INPP4B: variants seen among roughly 807,000 people sequenced by gnomAD.
INPP4B encodes inositol polyphosphate 4-phosphatase type II.
A neutral mutation model predicts 122.5 loss-of-function variants in INPP4B; 55 were observed. The observed-to-expected ratio is 0.45, with a 90% confidence interval of 0.36 to 0.56. The LOEUF (loss-of-function observed/expected upper bound fraction) is 0.56. Ranked by LOEUF, INPP4B falls within the 20% of genes least tolerant of loss-of-function variation. INPP4B has a pLI of 0.00. For synonymous variants in INPP4B, 403 were observed against 388.7 expected, an observed-to-expected ratio of 1.04 and a Z score of -0.43; for missense variants, 1,000 against 1,097.7, an observed-to-expected ratio of 0.91 and a Z score of 1.26.
chr4:142,316,535 GAATA>G (rs1229561251), intron 7 of INPP4B, among the ~76,000 whole-genome samples: 1 of 151,224 alleles, frequency 6.6e-6, no homozygotes, highest in African/African-American at 2.4e-5. Context: ...TACATATAAT[GAATA>G]CTCACAACAT....
intron 14 of INPP4B, among the ~76,000 whole-genome samples, chr4:142,204,913 T>C (rs760081222): frequency 3.3e-5 from 5 of 152,090 alleles, no homozygotes; most frequent in Non-Finnish European, 4.4e-5. Context: ...GCAACCCAGT[T>C]TGTGGTGCTT....
chr4:142,076,596 C>T (rs889368319), intron 25 of INPP4B, among the ~76,000 whole-genome samples: 1 of 152,030 alleles, frequency 6.6e-6, no homozygotes, highest in African/African-American at 2.4e-5. Flanking sequence ...ACTTAGCAAT[C>T]ATGGAAGACC....
At chr4:142,676,326 G>T (rs922317041) in intron 2 of INPP4B, among the ~76,000 whole-genome samples, 7 of 152,218 alleles carry the variant, frequency 4.6e-5, no homozygotes, top group African/African-American at 1.7e-4. Context: ...ACAAACCACT[G>T]CTCAAGGAAA....
chr4:142,584,860 A>G (rs930552043), intron 2 of INPP4B, among the ~76,000 whole-genome samples: 1 of 152,112 alleles, frequency 6.6e-6, no homozygotes, highest in African/African-American at 2.4e-5. Context: ...GAATTTTGCT[A>G]TATGAGAGAC....
intron 7 of INPP4B, among the ~76,000 whole-genome samples, chr4:142,378,962 C>T (rs1270425541): frequency 6.6e-6 from 1 of 152,092 alleles, no homozygotes; most frequent in Non-Finnish European, 1.5e-5. Flanking sequence ...GTTTCAAACT[C>T]CCTGAGTGGG....
chr4:142,542,192 CCTTACAT>C (rs1203421638), intron 2 of INPP4B, among the ~76,000 whole-genome samples: 2 of 152,166 alleles, frequency 1.3e-5, no homozygotes, highest in African/African-American at 4.8e-5. Context: ...TGCTCTATCT[CCTTACAT>C]CTATTATTGG....
intron 2 of INPP4B, among the ~76,000 whole-genome samples, chr4:142,582,128 A>C (rs1735214343): frequency 6.6e-6 from 1 of 152,010 alleles, no homozygotes; most frequent in African/African-American, 2.4e-5. Flanking sequence ...GTAAAAACCC[A>C]AGTGGTCTTG....
intron 2 of INPP4B, among the ~76,000 whole-genome samples, chr4:142,641,605 T>A (rs1490992041): frequency 6.6e-6 from 1 of 152,204 alleles, no homozygotes; most frequent in South Asian, 2.1e-4. Flanking sequence ...GAACTCATCC[T>A]TTTTTATGGC....
intron 10 of INPP4B, among the ~76,000 whole-genome samples, chr4:142,269,591 T>G (rs1057403610): frequency 4.6e-5 from 7 of 152,248 alleles, no homozygotes; most frequent in South Asian, 2.1e-4. Flanking sequence ...TGGGAGGTGC[T>G]CATCAAAGGG....
intron 1 of INPP4B, among the ~76,000 whole-genome samples, chr4:142,802,703 T>C (rs1333895633): frequency 1.3e-5 from 2 of 152,048 alleles, no homozygotes; most frequent in African/African-American, 4.8e-5. Flanking sequence ...GATGTCAACT[T>C]ACTCAGCCTA....
At chr4:142,148,370 C>T (rs1023571361) in intron 17 of INPP4B, among the ~76,000 whole-genome samples, 3 of 151,900 alleles carry the variant, frequency 2.0e-5, no homozygotes, top group South Asian at 2.1e-4. Context: ...ATGCCCACCA[C>T]GCCTAACTAA....
rs186431779 is a variant in INPP4B, at chr4:142,245,775, T to C, written c.689-7764A>G. ...GTTCATATATATGTATATGTGTGTA[T>C]ATATATATGTGTGTATGTATACATA... On this transcript the variant is annotated intron_variant, in intron 11 of 25. Coordinates refer to ENST00000262992, the MANE Select transcript of INPP4B (RefSeq NM_001101669.3). Among the ~76,000 whole-genome samples, 271 of 141,136 alleles carry C rather than the reference T, an allele frequency of 1.9e-3. 32 individuals carry two copies. The East Asian group carries it at 0.028, about 15-fold the overall frequency. The allele number at this position is 141,136 out of a possible 152,430, so 92.6% of individuals were successfully genotyped here.
At chr4:142,607,046 T>C (rs1326056265) in intron 2 of INPP4B, among the ~76,000 whole-genome samples, 1 of 151,924 alleles carries the variant, frequency 6.6e-6, no homozygotes, top group Non-Finnish European at 1.5e-5. Context: ...AACTTATATT[T>C]GGTAATACTG....
intron 7 of INPP4B, among the ~76,000 whole-genome samples, chr4:142,369,611 TAAATAAAAATAAAA>T (rs1470307707): frequency 2.1e-5 from 3 of 145,614 alleles, no homozygotes; most frequent in Middle Eastern, 3.5e-3. Context: ...AATAAATAAA[TAAATAAAAATAAAA>T]AAATAAAAAA....
chr4:142,273,357 C>A (rs1017439705), intron 9 of INPP4B, among the ~76,000 whole-genome samples: 2 of 151,824 alleles, frequency 1.3e-5, no homozygotes, highest in African/African-American at 4.8e-5. Flanking sequence ...AAATCGATAT[C>A]TGAGACTATA....
intron 7 of INPP4B, among the ~76,000 whole-genome samples, chr4:142,324,514 T>C (rs186149358): frequency 5.5e-4 from 84 of 152,300 alleles, no homozygotes; most frequent in Admixed American, 9.2e-4. Flanking sequence ...TGAATCTCTT[T>C]TGGACTCCAA....
intron 2 of INPP4B, chr4:142,514,693 A>G (rs1363411773): frequency 1.3e-5 from 2 of 152,026 alleles, no homozygotes; most frequent in East Asian, 3.9e-4. Flanking sequence ...GATGTAGAGA[A>G]CTCAGCTTAG....
At chr4:142,668,381 C>T (rs1245534889) in intron 2 of INPP4B, among the ~76,000 whole-genome samples, 1 of 152,052 alleles carries the variant, frequency 6.6e-6, no homozygotes, top group Non-Finnish European at 1.5e-5. Context: ...TATGACAAAA[C>T]TCCAGGTAAC....
intron 7 of INPP4B, among the ~76,000 whole-genome samples, chr4:142,397,601 A>T (rs1036949764): frequency 6.6e-5 from 10 of 152,138 alleles, no homozygotes; most frequent in African/African-American, 2.2e-4. Context: ...GCACTTTGGG[A>T]GGCCGAAGCG....
Sources: gnomAD v4.1 joint callset for allele counts (sites outside exome capture counted in the v4.1 genomes callset) on GRCh38, gnomAD v4.1.1 for gene constraint, MANE v1.5 for transcripts, NCBI Gene and HGNC (gene_info 2026-07-23, HGNC 2026-07-21) for gene names.